RAB2A: variants seen among roughly 807,000 people sequenced by gnomAD.
The protein encoded by RAB2A is ras-related protein Rab-2A.
A neutral mutation model predicts 32.5 loss-of-function variants in RAB2A; 7 were observed. The observed-to-expected ratio is 0.22, with a 90% CI of 0.12 to 0.40. The LOEUF is 0.40. RAB2A is among the 10% of genes least tolerant of loss of function. The pLI is 1.00. For missense variants in RAB2A, 108 were observed against 260.7 expected (o/e 0.41, Z 4.03); for synonymous variants, 79 against 85.2 (o/e 0.93, Z 0.40).
At chr8:60,535,042 G>C (rs933473849) in intron 1 of RAB2A, among the ~76,000 whole-genome samples, 8 of 152,028 alleles carry the variant, frequency 5.3e-5, no homozygotes, top group Non-Finnish European at 4.4e-5. Context: ...ATTTTCAGCC[G>C]TAGCCATGAA....
At chr8:60,565,896 G>A (rs957199720) in intron 2 of RAB2A, among the ~76,000 whole-genome samples, 6 of 151,620 alleles carry the variant, frequency 4.0e-5, no homozygotes, top group Admixed American at 3.3e-4. Context: ...GTTTCTTTCA[G>A]TAGAGATGGG....
intron 1 of RAB2A, among the ~76,000 whole-genome samples, chr8:60,521,902 G>T (rs1173914461): frequency 1.3e-5 from 2 of 152,202 alleles, no homozygotes; most frequent in African/African-American, 4.8e-5. Context: ...GATTACAGGT[G>T]TGAGCCACCG....
At chr8:60,591,195 C>A (rs11988389) in intron 5 of RAB2A, among the ~76,000 whole-genome samples, 2 of 151,700 alleles carry the variant, frequency 1.3e-5, no homozygotes, top group Non-Finnish European at 2.9e-5. Flanking sequence ...CCCTCCCCCC[C>A]ACTAATAAAA....
chr8:60,557,609 G>A (rs1306246625), intron 1 of RAB2A, among the ~76,000 whole-genome samples: 1 of 152,124 alleles, frequency 6.6e-6, no homozygotes, highest in East Asian at 1.9e-4. Flanking sequence ...GTCTCATTCT[G>A]TTACCTACCC....
chr8:60,518,250 A>C (rs1401248364), intron 1 of RAB2A, among the ~76,000 whole-genome samples: 3 of 152,210 alleles, frequency 2.0e-5, no homozygotes, highest in Non-Finnish European at 2.9e-5. Context: ...AATATACCAG[A>C]GTCTGATTTC....
intron 1 of RAB2A, among the ~76,000 whole-genome samples, chr8:60,522,153 G>A (rs1807312173): frequency 6.6e-6 from 1 of 152,194 alleles, no homozygotes; most frequent in South Asian, 2.1e-4. Flanking sequence ...AAAAGAGCAA[G>A]AGAGACCTGG....
At chr8:60,580,587 A>G (rs1295968040) in intron 3 of RAB2A, among the ~76,000 whole-genome samples, 1 of 152,236 alleles carries the variant, frequency 6.6e-6, no homozygotes, top group African/African-American at 2.4e-5. Flanking sequence ...CTTAAGATGC[A>G]TAGCTACAGT....
At chr8:60,579,107 A>G (rs908272027) in intron 3 of RAB2A, among the ~76,000 whole-genome samples, 7 of 151,994 alleles carry the variant, frequency 4.6e-5, no homozygotes, top group South Asian at 2.1e-4. Flanking sequence ...CAGTGGCGCA[A>G]TCTCAGCTCA....
chr8:60,556,770 T>C (rs1038112264), intron 1 of RAB2A, among the ~76,000 whole-genome samples: 3 of 152,062 alleles, frequency 2.0e-5, no homozygotes, highest in African/African-American at 4.8e-5. Context: ...ACTAGAGTGA[T>C]ATATATTCTC....
chr8:60,538,952 G>A (rs962993273), intron 1 of RAB2A, among the ~76,000 whole-genome samples: 6 of 152,200 alleles, frequency 3.9e-5, no homozygotes, highest in Admixed American at 3.3e-4. Context: ...CTAATTTAAT[G>A]CAGTCATATT....
chr8:60,582,557 T>A (rs1803779647), intron 3 of RAB2A, among the ~76,000 whole-genome samples: 1 of 152,226 alleles, frequency 6.6e-6, no homozygotes. Flanking sequence ...GGTGTTGCTC[T>A]GTTAGCAAGA....
intron 6 of RAB2A, 91 bp downstream of exon 6, chr8:60,592,060 C>T (rs1320634286): frequency 8.1e-6 from 6 of 737,532 alleles, no homozygotes; most frequent in African/African-American, 1.8e-5. Context: ...AGTTTTTAGT[C>T]GGATGGTCTT....
intron 2 of RAB2A, 51 bp from the exon 3 acceptor site, chr8:60,571,995 T>G: frequency 2.2e-5 from 29 of 1,320,800 alleles, no homozygotes; most frequent in Non-Finnish European, 2.6e-5. Flanking sequence ...TCCTTGAAAG[T>G]GAGATATATT....
chr8:60,534,641 A>G (rs1463972803), intron 1 of RAB2A, among the ~76,000 whole-genome samples: 1 of 152,192 alleles, frequency 6.6e-6, no homozygotes, highest in Admixed American at 6.5e-5. Flanking sequence ...TTATTTTGCC[A>G]AGAAGGTTTG....
At chr8:60,591,297 T>C (rs1281619903) in intron 5 of RAB2A, among the ~76,000 whole-genome samples, 1 of 151,954 alleles carries the variant, frequency 6.6e-6, no homozygotes, top group East Asian at 1.9e-4. Context: ...TCTGTCTCTC[T>C]CTACTCCTTC....
intron 1 of RAB2A, among the ~76,000 whole-genome samples, chr8:60,522,994 T>G (rs1270190532): frequency 6.6e-6 from 1 of 152,140 alleles, no homozygotes; most frequent in African/African-American, 2.4e-5. Flanking sequence ...TTTGTTAGAA[T>G]TACCTTCAAA....
intron 1 of RAB2A, among the ~76,000 whole-genome samples, chr8:60,546,097 C>G (rs1346483001): frequency 6.6e-6 from 1 of 152,116 alleles, no homozygotes; most frequent in African/African-American, 2.4e-5. Flanking sequence ...ATTGTCATTT[C>G]AGAGATAACA....
chr8:60,587,579 A>G (rs1803871770), intron 5 of RAB2A, among the ~76,000 whole-genome samples: 1 of 152,182 alleles, frequency 6.6e-6, no homozygotes, highest in African/African-American at 2.4e-5. Flanking sequence ...ACATCGTGAC[A>G]TGGTTAATGA....
chr8:60,537,535 T>C (rs1807576929), intron 1 of RAB2A, among the ~76,000 whole-genome samples: 1 of 152,204 alleles, frequency 6.6e-6, no homozygotes, highest in Non-Finnish European at 1.5e-5. Context: ...TCTAATTCTT[T>C]TGTAATGCTA....
Sources: gnomAD v4.1 joint callset for allele counts (sites outside exome capture counted in the v4.1 genomes callset) on GRCh38, gnomAD v4.1.1 for gene constraint, MANE v1.5 for transcripts, NCBI Gene and HGNC (gene_info 2026-07-23, HGNC 2026-07-21) for gene names.